Variants in DPYD observed in about 807,000 individuals in gnomAD.
The protein encoded by DPYD is dihydropyrimidine dehydrogenase [NADP(+)].
DPYD carries 109 observed loss-of-function variants against 116.2 expected under a neutral mutation model. That is an observed-to-expected ratio of 0.94 (90% confidence interval 0.80 to 1.10). DPYD has a LOEUF of 1.10. Ranked by LOEUF, DPYD falls within the 50% of genes least tolerant of loss-of-function variation. The pLI, the probability that DPYD is intolerant of heterozygous loss-of-function variation, is 0.00. For missense variants in DPYD, 1,302 were observed against 1,254.5 expected (o/e 1.04, Z -0.57); for synonymous variants, 440 against 432.0 (o/e 1.02, Z -0.23).
At chr1:97,285,011 C>T (rs1665572945) in intron 18 of DPYD, among the ~76,000 whole-genome samples, 1 of 152,162 alleles carries the variant, frequency 6.6e-6, no homozygotes, top group Non-Finnish European at 1.5e-5. Context: ...ACTAGAGACA[C>T]ACACAACATT....
At chr1:97,533,055 T>G (rs1275636548) in intron 12 of DPYD, among the ~76,000 whole-genome samples, 1 of 151,260 alleles carries the variant, frequency 6.6e-6, no homozygotes, top group Admixed American at 6.6e-5. Flanking sequence ...TTGCATTAAG[T>G]TTTTTTTTAT....
chr1:97,798,710 AAAATT>A (rs1327555252), intron 3 of DPYD, among the ~76,000 whole-genome samples: 2 of 152,040 alleles, frequency 1.3e-5, no homozygotes, highest in Non-Finnish European at 2.9e-5. Flanking sequence ...ACATTATTGA[AAAATT>A]AAATGATCAA....
intron 16 of DPYD, among the ~76,000 whole-genome samples, chr1:97,317,132 G>GA (rs1667904622): frequency 6.6e-6 from 1 of 151,866 alleles, no homozygotes; most frequent in South Asian, 2.1e-4. Context: ...AAATGAGCTT[G>GA]AACTTTCTTT....
intron 2 of DPYD, among the ~76,000 whole-genome samples, chr1:97,830,666 C>T (rs1669494709): frequency 2.0e-5 from 3 of 150,636 alleles, no homozygotes; most frequent in Middle Eastern, 3.2e-3. Flanking sequence ...GCTGAGTTCG[C>T]GCCACGGCAC....
chr1:97,542,099 T>G (rs1011623131), intron 12 of DPYD, among the ~76,000 whole-genome samples: 15 of 152,310 alleles, frequency 9.8e-5, no homozygotes, highest in African/African-American at 3.6e-4. Flanking sequence ...CATGAACAAT[T>G]CCTACCACAT....
intron 3 of DPYD, among the ~76,000 whole-genome samples, chr1:97,761,918 T>C (rs1665595038): frequency 1.3e-5 from 2 of 151,908 alleles, no homozygotes; most frequent in Middle Eastern, 3.4e-3. Flanking sequence ...GAAAATCAAA[T>C]ACTACATGCT....
At chr1:97,464,413 GA>G (rs1164413478) in intron 13 of DPYD, among the ~76,000 whole-genome samples, 1 of 152,112 alleles carries the variant, frequency 6.6e-6, no homozygotes, top group Non-Finnish European at 1.5e-5. Context: ...AAAGACAACT[GA>G]AAAAATGCCT....
rs1427829937 is a variant in DPYD at position 97,717,211 on chromosome 1, T to G, written c.483+4299A>C. ...TTATTGTATATTTCAAAGTATTTATTGCATTACTGCAAATAGTATATGCTG... is the reference window on the plus strand; with the variant it reads ...TTATTGTATATTTCAAAGTATTTATGGCATTACTGCAAATAGTATATGCTG... On this transcript the variant is annotated intron_variant, in intron 5 of 22. Transcript: ENST00000370192. Among the ~76,000 whole-genome samples the G allele has an allele frequency of 2.0e-5, 3 of 152,116 alleles. No homozygotes were observed. In the East Asian group the frequency reaches 5.8e-4, roughly 29 times the overall value.
Position 97,517,771 on chromosome 1 carries a change from T to C in DPYD, c.1525-1830A>G, listed in dbSNP as rs1351018269. 5.9e-5 allele frequency among the ~76,000 whole-genome samples: 9 copies of C among 152,272 alleles called. No individual in the cohort carries two copies. The Middle Eastern group carries it at 0.01, about 173-fold the overall frequency. ...TAAAAGTATAGAAGCAACTTCTCTG[T>C]CTTAGAAACAATGTTGAGCCAACTT... On this transcript the variant is annotated intron_variant, in intron 12 of 22. Transcript: ENST00000370192.
At chr1:97,194,121 G>A (rs1316776060) in intron 19 of DPYD, among the ~76,000 whole-genome samples, 1 of 150,586 alleles carries the variant, frequency 6.6e-6, no homozygotes, top group Non-Finnish European at 1.5e-5. Flanking sequence ...CTGTTAGTCT[G>A]CTCTCCACAA....
chr1:97,450,038 T>C, intron 14 of DPYD, 21 bp downstream of exon 14: 1 of 1,613,708 alleles, frequency 6.2e-7, no homozygotes, highest in Non-Finnish European at 8.5e-7. Context: ...TCTCTTGTTT[T>C]AGATGTTAAA....
intron 18 of DPYD, among the ~76,000 whole-genome samples, chr1:97,292,771 C>T (rs948017343): frequency 6.6e-6 from 1 of 151,710 alleles, no homozygotes; most frequent in African/African-American, 2.4e-5. Flanking sequence ...TATTACCACA[C>T]CCTCATCTAG....
In DPYD at chr1:97,810,759, A is replaced by G. The variant is rs116376532; in HGVS notation, c.233+17355T>C. On this transcript the variant is annotated intron_variant, in intron 3 of 22. Coordinates refer to ENST00000370192, the MANE Select transcript of DPYD (RefSeq NM_000110.4). ...TTCAGCCAGAGTGATATTTTTAAAA[A>G]TTCTACAATTATGGTGATATATCTC... Among the ~76,000 whole-genome samples the G allele has an allele frequency of 6.6e-3, 1,001 of 152,288 alleles. 14 individuals carry two copies. The highest frequency in any genetic ancestry group is 0.023 in the African/African-American group (942 of 41,548).
intron 3 of DPYD, among the ~76,000 whole-genome samples, chr1:97,817,846 A>C (rs898306876): frequency 6.6e-6 from 1 of 152,056 alleles, no homozygotes; most frequent in Non-Finnish European, 1.5e-5. Flanking sequence ...GTGGCACTTC[A>C]ATTATGGATA....
At chr1:97,630,984 T>C (rs1484848306) in intron 8 of DPYD, among the ~76,000 whole-genome samples, 1 of 152,104 alleles carries the variant, frequency 6.6e-6, no homozygotes, top group Admixed American at 6.6e-5. Flanking sequence ...TTTGTTTCAT[T>C]CCAGGTCCTC....
intron 14 of DPYD, among the ~76,000 whole-genome samples, chr1:97,442,110 C>A (rs1675829742): frequency 6.6e-6 from 1 of 152,064 alleles, no homozygotes; most frequent in African/African-American, 2.4e-5. Context: ...GTACTCAGTG[C>A]TGCATACTCA....
intron 3 of DPYD, among the ~76,000 whole-genome samples, chr1:97,806,622 A>T (rs1668090117): frequency 6.6e-6 from 1 of 151,972 alleles, no homozygotes; most frequent in South Asian, 2.1e-4. Context: ...ATTCTGAATC[A>T]GAGTACTACA....
At chr1:97,466,204 T>C (rs1677313632) in intron 13 of DPYD, among the ~76,000 whole-genome samples, 1 of 152,196 alleles carries the variant, frequency 6.6e-6, no homozygotes. Flanking sequence ...AATCTGGATA[T>C]ATACGCAAAA....
At chr1:97,129,866 G>A (rs1391908353) in intron 20 of DPYD, among the ~76,000 whole-genome samples, 2 of 152,018 alleles carry the variant, frequency 1.3e-5, no homozygotes, top group Admixed American at 6.6e-5. Context: ...CAACATCTCC[G>A]TTACCCATTT....
Sources: allele counts gnomAD v4.1 joint callset (sites outside exome capture counted in the v4.1 genomes callset), GRCh38; gene constraint gnomAD v4.1.1; transcripts MANE v1.5; gene names NCBI Gene and HGNC (gene_info 2026-07-23, HGNC 2026-07-21).